The following CNBD1 variants were observed in gnomAD, a reference collection of about 807,000 sequenced individuals.
CNBD1 encodes the protein cyclic nucleotide-binding domain-containing protein 1.
CNBD1 carries 71 observed loss-of-function variants against 54.4 expected under a neutral mutation model. That is an observed-to-expected ratio of 1.30 (90% CI 1.08 to 1.59). The LOEUF is 1.59. Ranked by LOEUF, CNBD1 falls within the 40% of genes most tolerant of loss-of-function variation. The pLI is 0.00. For synonymous variants in CNBD1, 182 were observed against 170.7 expected (o/e 1.07, Z -0.51); for missense variants, 659 against 518.0 (o/e 1.27, Z -2.64).
chr8:87,375,116 G>C (rs535823098), intron 10 of CNBD1, among the ~76,000 whole-genome samples: 37 of 151,816 alleles, frequency 2.4e-4, no homozygotes, highest in Non-Finnish European at 4.9e-4. Context: ...GCATAAAGAA[G>C]ATATACACTA....
chr8:87,110,954 C>G (rs1811649646), intron 4 of CNBD1, among the ~76,000 whole-genome samples: 1 of 152,194 alleles, frequency 6.6e-6, no homozygotes, highest in East Asian at 1.9e-4. Flanking sequence ...ATCTGCATTA[C>G]AGCTACCATG....
intron 6 of CNBD1, among the ~76,000 whole-genome samples, chr8:87,271,036 C>A (rs1808352487): frequency 6.6e-6 from 1 of 151,448 alleles, no homozygotes; most frequent in Non-Finnish European, 1.5e-5. Context: ...CCATTTTTTT[C>A]TAGGTTTCTG....
At chr8:87,372,473 C>G (rs1335237236) in intron 10 of CNBD1, among the ~76,000 whole-genome samples, 2 of 151,890 alleles carry the variant, frequency 1.3e-5, no homozygotes, top group Admixed American at 1.3e-4. Context: ...TCCCACTCCA[C>G]TGATTTCCAA....
At chr8:86,962,147 C>T (rs1158779156) in intron 4 of CNBD1, among the ~76,000 whole-genome samples, 1 of 152,096 alleles carries the variant, frequency 6.6e-6, no homozygotes, top group African/African-American at 2.4e-5. Flanking sequence ...CCTTTGTTTT[C>T]CCAAGAAGTC....
At chr8:87,419,244 G>T (rs1419304753) in intron 2 of CNBD1, among the ~76,000 whole-genome samples, 3 of 151,888 alleles carry the variant, frequency 2.0e-5, no homozygotes, top group Admixed American at 6.6e-5. Context: ...AGGCAAACAT[G>T]TCTAGAATAG....
intron 10 of CNBD1, among the ~76,000 whole-genome samples, chr8:87,376,731 A>G (rs1810948358): frequency 6.6e-6 from 1 of 152,000 alleles, no homozygotes; most frequent in Admixed American, 6.6e-5. Flanking sequence ...TAAGTTTATT[A>G]AACCCATTTT....
At chr8:87,418,129 C>T (rs1013275607) in intron 2 of CNBD1, among the ~76,000 whole-genome samples, 9 of 151,822 alleles carry the variant, frequency 5.9e-5, no homozygotes, top group Admixed American at 1.3e-4. Flanking sequence ...ACAAAGAGCA[C>T]GCACACTTTC....
intron 4 of CNBD1, among the ~76,000 whole-genome samples, chr8:87,154,419 G>A (rs1812671885): frequency 6.6e-6 from 1 of 152,158 alleles, no homozygotes; most frequent in South Asian, 2.1e-4. Context: ...CAGTAGTACC[G>A]ACGTGTCCAG....
At chr8:87,041,498 A>G (rs112681081) in intron 4 of CNBD1, among the ~76,000 whole-genome samples, 2 of 152,178 alleles carry the variant, frequency 1.3e-5, no homozygotes, top group Non-Finnish European at 2.9e-5. Flanking sequence ...TTATTTGACA[A>G]TCCATAGAAA....
Position 86,981,775 on chromosome 8 carries a change from A to C in CNBD1, c.431+42021A>C, listed in dbSNP as rs537378157. ...TGCTTAGTAGCATTCCATAGTATGG[A>C]TATACTGTAATTTGTTCATCCATTA... On this transcript the variant is annotated intron_variant, in intron 4 of 10. Transcript: ENST00000518476. Among the ~76,000 whole-genome samples the C allele has an allele frequency of 4.9e-4, 74 of 152,222 alleles. 1 individual carries two copies. The highest frequency in any genetic ancestry group is 1.6e-3 in the African/African-American group (67 of 41,536).
intron 10 of CNBD1, among the ~76,000 whole-genome samples, chr8:87,374,014 G>C (rs911466307): frequency 6.6e-6 from 1 of 151,628 alleles, no homozygotes; most frequent in Non-Finnish European, 1.5e-5. Context: ...ATTACAACTA[G>C]GCTTTTATAG....
At chr8:87,386,341 T>A (rs1160548018), downstream of CNBD1, among the ~76,000 whole-genome samples, 2 of 151,802 alleles carry the variant, frequency 1.3e-5, no homozygotes, top group East Asian at 1.9e-4. Context: ...TTCGAACCCA[T>A]GGCAAAGAAG....
In CNBD1 at chr8:87,370,850, T is replaced by G. The variant is rs550034085; in HGVS notation, c.1304-11770T>G. Among the ~76,000 whole-genome samples, 31 of 150,980 alleles carry G rather than the reference T, an allele frequency of 2.1e-4. No homozygotes were observed. The East Asian group carries it at 4.1e-3, about 20-fold the overall frequency. The stretch of plus-strand genomic sequence containing the variant: ...TGCCTAGGTTTTCTTCTAGGGTTTT[T>G]ATGGTTTTAGGTCTAACGTTTAAGT... On this transcript the variant is annotated intron_variant, in intron 10 of 10. Transcript: ENST00000518476.
chr8:87,353,625 T>C lies in CNBD1; in HGVS notation c.1153-11T>C. The C allele has an allele frequency of 6.5e-7, 1 of 1,534,168 alleles. No homozygotes were observed. The highest frequency in any genetic ancestry group is 8.9e-7 in the Non-Finnish European group (1 of 1,126,130). ...GTTGCATTAAACATCAATAATATAT[T>C]TTTTTAACAGAAAAGATCTCAAAAA... is the stretch of plus-strand genomic sequence containing the variant. On this transcript the variant is annotated splice_polypyrimidine_tract_variant and intron_variant, in intron 9 of 10. Transcript: ENST00000518476.
intron 4 of CNBD1, among the ~76,000 whole-genome samples, chr8:86,974,013 AT>A (rs886887006): frequency 2.6e-5 from 4 of 151,940 alleles, no homozygotes; most frequent in Non-Finnish European, 5.9e-5. Context: ...TTCTAGGAGG[AT>A]TTTTTTTACA....
intron 10 of CNBD1, among the ~76,000 whole-genome samples, chr8:87,376,760 G>C (rs1485107567): frequency 6.6e-6 from 1 of 151,824 alleles, no homozygotes; most frequent in Non-Finnish European, 1.5e-5. Context: ...GGCAACAAAG[G>C]CTTATAAAGC....
intron 2 of CNBD1, among the ~76,000 whole-genome samples, chr8:87,403,734 A>G (rs1255938962): frequency 6.6e-6 from 1 of 152,032 alleles, no homozygotes. Flanking sequence ...TAGAGATCAG[A>G]TATTTTCTAA....
intron 4 of CNBD1, among the ~76,000 whole-genome samples, chr8:87,080,570 C>CAAAA (rs201765591): frequency 8.6e-6 from 1 of 116,628 alleles, no homozygotes. Context: ...AGCTCCATCT[C>CAAAA]AAAAAAAAAA....
chr8:87,094,522 T>G (rs896640319), intron 4 of CNBD1, among the ~76,000 whole-genome samples: 2 of 152,012 alleles, frequency 1.3e-5, no homozygotes, highest in African/African-American at 4.8e-5. Flanking sequence ...ACTGCTGTAT[T>G]GTCATGTTGG....
Sources: allele counts gnomAD v4.1 joint callset (sites outside exome capture counted in the v4.1 genomes callset), GRCh38; gene constraint gnomAD v4.1.1; transcripts MANE v1.5; gene names NCBI Gene and HGNC (gene_info 2026-07-23, HGNC 2026-07-21).